The following XRCC4 variants were observed in gnomAD, a reference collection of about 807,000 sequenced individuals.
The protein encoded by XRCC4 is DNA repair protein XRCC4.
XRCC4 carries 28 observed loss-of-function variants against 39.1 expected under a neutral mutation model. The observed-to-expected ratio is 0.72, with a 90% CI of 0.53 to 0.98. The LOEUF (loss-of-function observed/expected upper bound fraction) is 0.98, where lower values mean the gene tolerates loss of function less well. Among genes scored for constraint, XRCC4 ranks in the 50% least tolerant of loss-of-function variants. XRCC4 has a pLI of 0.00. For missense variants in XRCC4, 350 were observed against 376.4 expected (o/e 0.93, Z 0.58); for synonymous variants, 123 against 126.4 (o/e 0.97, Z 0.18).
At chr5:83,160,438 T>G (rs979272946) in intron 3 of XRCC4, among the ~76,000 whole-genome samples, 2 of 152,196 alleles carry the variant, frequency 1.3e-5, no homozygotes, top group South Asian at 2.1e-4. Context: ...AATTCTGCTT[T>G]CTTTATTAGT....
intron 7 of XRCC4, among the ~76,000 whole-genome samples, chr5:83,334,325 T>G (rs1215777956): frequency 6.6e-6 from 1 of 152,180 alleles, no homozygotes; most frequent in Non-Finnish European, 1.5e-5. Context: ...TGTAGTGTTA[T>G]AGTTAACTAT....
chr5:83,271,174 C>T (rs1754134215), intron 7 of XRCC4, among the ~76,000 whole-genome samples: 1 of 152,002 alleles, frequency 6.6e-6, no homozygotes, highest in South Asian at 2.1e-4. Flanking sequence ...TGCTTACTGC[C>T]TTTGGCATTT....
At chr5:83,093,809 T>G (rs1399137873) in intron 1 of XRCC4, among the ~76,000 whole-genome samples, 1 of 151,956 alleles carries the variant, frequency 6.6e-6, no homozygotes, top group African/African-American at 2.4e-5. Context: ...GTTGTAAAAG[T>G]TTTGCTTGTC....
intron 3 of XRCC4, among the ~76,000 whole-genome samples, chr5:83,122,941 A>G (rs1747080868): frequency 6.6e-6 from 1 of 152,164 alleles, no homozygotes; most frequent in Non-Finnish European, 1.5e-5. Context: ...GACTTGTATT[A>G]TGGCACTGAA....
At chr5:83,269,182 A>G (rs1205211016) in intron 7 of XRCC4, among the ~76,000 whole-genome samples, 2 of 152,148 alleles carry the variant, frequency 1.3e-5, no homozygotes, top group African/African-American at 4.8e-5. Flanking sequence ...CAAACCCATC[A>G]TAGGACTGAA....
chr5:83,277,326 A>C (rs1310570157), intron 7 of XRCC4, among the ~76,000 whole-genome samples: 2 of 152,224 alleles, frequency 1.3e-5, no homozygotes, highest in African/African-American at 4.8e-5. Context: ...TTTTGATTAA[A>C]AGTGACATGT....
intron 3 of XRCC4, among the ~76,000 whole-genome samples, chr5:83,192,820 T>C (rs921684642): frequency 8.5e-5 from 13 of 152,178 alleles, no homozygotes; most frequent in African/African-American, 3.1e-4. Context: ...AAAATGTCTT[T>C]TATATGTGGT....
intron 7 of XRCC4, among the ~76,000 whole-genome samples, chr5:83,345,450 C>T (rs1007248454): frequency 6.6e-6 from 1 of 151,950 alleles, no homozygotes; most frequent in African/African-American, 2.4e-5. Flanking sequence ...ATAGTTAGGC[C>T]TCAAAAAATT....
intron 3 of XRCC4, among the ~76,000 whole-genome samples, chr5:83,145,292 T>C (rs760086549): frequency 2.0e-5 from 3 of 152,222 alleles, no homozygotes; most frequent in Admixed American, 6.5e-5. Context: ...TCAGTTTCCA[T>C]TGACTGTGGC....
intron 6 of XRCC4, among the ~76,000 whole-genome samples, chr5:83,220,185 G>T (rs1218101755): frequency 1.3e-5 from 2 of 152,086 alleles, no homozygotes; most frequent in Non-Finnish European, 2.9e-5. Context: ...ACTGACTTAA[G>T]AATGCGTGGA....
intron 7 of XRCC4, among the ~76,000 whole-genome samples, chr5:83,329,834 T>TA (rs1756382714): frequency 1.3e-5 from 2 of 152,064 alleles, no homozygotes; most frequent in African/African-American, 2.4e-5. Flanking sequence ...GGAAGAAGCC[T>TA]AAAGTGATGT....
intron 7 of XRCC4, among the ~76,000 whole-genome samples, chr5:83,309,750 C>T (rs1359244065): frequency 3.1e-5 from 3 of 96,524 alleles, no homozygotes; most frequent in Admixed American, 1.1e-4. Flanking sequence ...GAGTGAGACC[C>T]GTCTCAAAAA....
intron 7 of XRCC4, chr5:83,280,708 C>T (rs1754506978): frequency 9.6e-6 from 2 of 208,346 alleles, no homozygotes; most frequent in African/African-American, 4.6e-5. Context: ...GCCCTCATCA[C>T]TTAATTACTT....
chr5:83,251,310 C>T (rs575449640), intron 6 of XRCC4, among the ~76,000 whole-genome samples: 7 of 151,900 alleles, frequency 4.6e-5, no homozygotes, highest in Admixed American at 6.6e-5. Context: ...TGGATCACGA[C>T]GTCAGCAGAT....
intron 1 of XRCC4, among the ~76,000 whole-genome samples, chr5:83,094,929 T>C (rs1405803197): frequency 6.6e-6 from 1 of 150,556 alleles, no homozygotes; most frequent in Admixed American, 6.6e-5. Context: ...CCATTTTCTT[T>C]GGGATTCATT....
chr5:83,079,670 C>A (rs1413533505), intron 1 of XRCC4, among the ~76,000 whole-genome samples: 2 of 152,028 alleles, frequency 1.3e-5, no homozygotes, highest in African/African-American at 4.8e-5. Flanking sequence ...GTAACCGGGA[C>A]CATGGTTGCA....
intron 1 of XRCC4, among the ~76,000 whole-genome samples, chr5:83,082,854 C>G (rs1235813299): frequency 1.3e-5 from 2 of 152,098 alleles, no homozygotes; most frequent in East Asian, 3.9e-4. Context: ...TCTACATGAT[C>G]TGGTCTCCCA....
At chr5:83,145,722 G>A (rs530829256) in intron 3 of XRCC4, among the ~76,000 whole-genome samples, 1 of 152,232 alleles carries the variant, frequency 6.6e-6, no homozygotes, top group South Asian at 2.1e-4. Context: ...TAATAGAACT[G>A]GTTTCTGCTA....
chr5:83,135,277 A>G lies in XRCC4; in HGVS notation c.315+24074A>G, dbSNP rs147061298. ...TACCTGGTACCTCCATTGGAAATGCAGAAATCACCCATCTTCTGTGTCGCT... is the reference window on the plus strand; with the variant it reads ...TACCTGGTACCTCCATTGGAAATGCGGAAATCACCCATCTTCTGTGTCGCT... On this transcript the variant is annotated intron_variant, in intron 3 of 7. Coordinates refer to ENST00000396027, the MANE Select transcript of XRCC4 (RefSeq NM_003401.5). Among the ~76,000 whole-genome samples the G allele has an allele frequency of 3.2e-3, 490 of 152,246 alleles. 2 individuals carry two copies. The highest frequency in any genetic ancestry group is 0.011 in the African/African-American group (467 of 41,544).
Sources: gnomAD v4.1 joint callset for allele counts (sites outside exome capture counted in the v4.1 genomes callset) on GRCh38, gnomAD v4.1.1 for gene constraint, MANE v1.5 for transcripts, NCBI Gene and HGNC (gene_info 2026-07-23, HGNC 2026-07-21) for gene names.